Variants in SLC26A1 observed in about 807,000 individuals in gnomAD.
SLC26A1 encodes the protein solute carrier family 26 member 1, also known as sulfate anion transporter 1.
In SLC26A1, 18 loss-of-function variants were observed where a neutral mutation model predicts 14.5. The observed-to-expected ratio is 1.24, with a 90% confidence interval of 0.86 to 1.84. The LOEUF (loss-of-function observed/expected upper bound fraction) is 1.84, where lower values mean the gene tolerates loss of function less well. SLC26A1 is among the 40% of genes most tolerant of loss of function. The probability of loss-of-function intolerance (pLI) is 0.00; values close to 1 mark genes in which losing one functional copy is unlikely to be tolerated. For synonymous variants in SLC26A1, 505 were observed against 492.0 expected (o/e 1.03, Z -0.35); for missense variants, 1,049 against 1,020.0 (o/e 1.03, Z -0.39).
In SLC26A1 at chr4:991,089, G is replaced by T. The variant is rs1480301480; in HGVS notation, c.576+39C>A. 2.0e-6 allele frequency: 3 copies of T among 1,508,102 alleles called. No individual in the cohort carries two copies. In the Admixed American group the frequency reaches 6.7e-5, roughly 34 times the overall value. 93.4% of individuals were successfully genotyped at this position (1,508,102 alleles called of 1,614,324 possible). ...GGATGGCCAAAACCTAAGGGGGGGT[G>T]CCCTGGGCCCCTCCCTGTGCCCAAG... On this transcript the variant is annotated intron_variant, in intron 2 of 2. Transcript: ENST00000398516.
chr4:991,904 G>C, intron 1 of SLC26A1, 174 bp from the exon 2 acceptor site: 1 of 1,143,488 alleles, frequency 8.7e-7, no homozygotes, highest in Non-Finnish European at 1.3e-6. Context: ...GGTATGGATG[G>C]ACGCTGGGCC....
rs1004895958 is a variant in SLC26A1 at position 988,436 on chromosome 4, A to G, written c.*397T>C. On this transcript the variant is annotated 3_prime_UTR_variant, in exon 3 of 3. Coordinates refer to ENST00000398516, the MANE Select transcript of SLC26A1 (RefSeq NM_022042.4). ...GCCAGAGCCGCTGGCTCCTACCAGC[A>G]GGGTGGGCACCGGGCAGGCCTGGGC... 4 of 1,070,660 alleles carry G rather than the reference A, an allele frequency of 3.7e-6. No homozygotes were observed. Among genetic ancestry groups the G allele is most frequent in the African/African-American group, 1.7e-5 (1 of 59,832 alleles). The allele number at this position is 1,070,660 out of a possible 1,614,324, so 66.3% of individuals were successfully genotyped here.
exon 3 of SLC26A1, chr4:979,410 C>G: frequency 6.5e-7 from 1 of 1,538,138 alleles, no homozygotes; most frequent in Non-Finnish European, 9.0e-7. Context: ...GTTAAATCAG[C>G]AAGATCTTTC....
At chr4:984,049 T>TC (rs1338245478), downstream of SLC26A1, among the ~76,000 whole-genome samples, 2 of 152,204 alleles carry the variant, frequency 1.3e-5, no homozygotes, top group Admixed American at 6.5e-5. Context: ...GGTCTCGAAC[T>TC]CCTGACCTCA....
At chr4:990,796 C>G in intron 2 of SLC26A1, 1 of 401,474 alleles carries the variant, frequency 2.5e-6, no homozygotes, top group Admixed American at 4.2e-5. Flanking sequence ...GGCCATCCCC[C>G]ACTCCACCTA....
chr4:990,612 T>C, intron 2 of SLC26A1: 1 of 544,686 alleles, frequency 1.8e-6, no homozygotes, highest in Non-Finnish European at 3.2e-6. Context: ...TAGACACGTC[T>C]AACCCTTGTC....
chr4:980,599 A>AC (rs1260846407), intron 2 of SLC26A1, among the ~76,000 whole-genome samples: 1 of 152,020 alleles, frequency 6.6e-6, no homozygotes, highest in East Asian at 1.9e-4. Flanking sequence ...AAAAAAAAAA[A>AC]AAAAAGTGCT....
At chr4:983,040 G>A (rs548757462), downstream of SLC26A1, among the ~76,000 whole-genome samples, 10 of 152,374 alleles carry the variant, frequency 6.6e-5, no homozygotes, top group South Asian at 2.1e-4. Flanking sequence ...GACGGAGGGC[G>A]TCTTCAGGAG....
downstream of SLC26A1, among the ~76,000 whole-genome samples, chr4:983,533 G>T (rs1179583832): frequency 6.6e-6 from 1 of 152,232 alleles, no homozygotes; most frequent in Non-Finnish European, 1.5e-5. Context: ...GGGCCTCGCT[G>T]GGCTCCCCCA....
At chr4:990,984 C>T (rs1714251859) in intron 2 of SLC26A1, 144 bp downstream of exon 2, 2 of 867,942 alleles carry the variant, frequency 2.3e-6, no homozygotes, top group Non-Finnish European at 3.4e-6. Context: ...CCCGGCACGC[C>T]CCAGCTCTGC....
intron 2 of SLC26A1, among the ~76,000 whole-genome samples, chr4:982,536 C>T (rs1450983520): frequency 6.6e-6 from 1 of 152,230 alleles, no homozygotes; most frequent in Non-Finnish European, 1.5e-5. Context: ...CCTGCCCGGA[C>T]GCCCCCAGTG....
chr4:982,734 C>T (rs1185377525), downstream of SLC26A1, among the ~76,000 whole-genome samples: 1 of 152,170 alleles, frequency 6.6e-6, no homozygotes, highest in Non-Finnish European at 1.5e-5. Context: ...GAATCGCACA[C>T]GTCTCTACAC....
chr4:979,271 T>C, exon 3 of SLC26A1: 1 of 633,014 alleles, frequency 1.6e-6, no homozygotes, highest in South Asian at 1.9e-5. Flanking sequence ...GCTGGCCAGG[T>C]TGAGGGGCTG....
rs369516569 is a variant in SLC26A1 at position 988,122 on chromosome 4, G to C, written c.*711C>G. 6 of 1,418,558 alleles carry C rather than the reference G, an allele frequency of 4.2e-6. No individual in the cohort carries two copies. Among genetic ancestry groups the C allele is most frequent in the Non-Finnish European group, 2.8e-6 (3 of 1,088,402 alleles). The allele number at this position is 1,418,558 out of a possible 1,614,324, so 87.9% of individuals were successfully genotyped here. A position where few individuals can be genotyped will look rare whatever the true frequency, so the allele number is the denominator to read the frequency against. ...GCTGGGGTGAGGGCTGTGTGCTGGA[G>C]GGAGCCCCTGCATGGGGCACGGTGG... On this transcript the variant is annotated 3_prime_UTR_variant, in exon 3 of 3. Coordinates refer to ENST00000398516, the MANE Select transcript of SLC26A1 (RefSeq NM_022042.4).
chr4:985,292 G>A (rs948197425), downstream of SLC26A1, among the ~76,000 whole-genome samples: 3 of 152,366 alleles, frequency 2.0e-5, no homozygotes, highest in Admixed American at 6.5e-5. Context: ...GTGTGGAGTC[G>A]CCGCCCCAAA....
At position 989,644 on chromosome 4, in the gene SLC26A1, G is replaced by A. The variant is rs1044204124; in HGVS notation, c.1295C>T (p.Pro432Leu). Residue 432 changes from proline to leucine, a missense_variant, in exon 3 of 3, where the codon CCG becomes CTG. Coordinates refer to ENST00000398516, the MANE Select transcript of SLC26A1 (RefSeq NM_022042.4). ...VVLLVLLALA[P>L]LFHDLQRSVL... ...GCTTCGCTGTAGGTCGTGGAACAGCGGTGCCAGCGCCAGCAGCACCAGCAG... is the reference window on the plus strand; with the variant it reads ...GCTTCGCTGTAGGTCGTGGAACAGCAGTGCCAGCGCCAGCAGCACCAGCAG... 6 of 1,593,204 alleles carry A rather than the reference G, an allele frequency of 3.8e-6. No individual in the cohort carries two copies. Among genetic ancestry groups the A allele is most frequent in the Admixed American group, 3.5e-5 (2 of 56,984 alleles).
chr4:990,528 T>A, intron 2 of SLC26A1, 166 bp from the exon 3 acceptor site: 1 of 672,450 alleles, frequency 1.5e-6, no homozygotes. Flanking sequence ...GCCTGAGTTC[T>A]GGTTCCACGC....
chr4:991,875 G>C, intron 1 of SLC26A1, 145 bp from the exon 2 acceptor site: 1 of 1,459,120 alleles, frequency 6.9e-7, no homozygotes, highest in South Asian at 1.2e-5. Context: ...CTGGCAGCGC[G>C]GGCCCCAGCC....
chr4:987,438 C>T (rs1358146589), downstream of SLC26A1, among the ~76,000 whole-genome samples: 1 of 152,182 alleles, frequency 6.6e-6, no homozygotes, highest in Non-Finnish European at 1.5e-5. Flanking sequence ...TGGGCCGCCC[C>T]CTGCAGCCCA....
Sources: allele counts gnomAD v4.1 joint callset (sites outside exome capture counted in the v4.1 genomes callset), GRCh38; gene constraint gnomAD v4.1.1; transcripts MANE v1.5; gene names NCBI Gene and HGNC (gene_info 2026-07-23, HGNC 2026-07-21).